The following SGMS1 variants were observed in gnomAD, a reference collection of about 807,000 sequenced individuals.
The protein encoded by SGMS1 is phosphatidylcholine:ceramide cholinephosphotransferase 1.
SGMS1 carries 13 observed loss-of-function variants against 46.2 expected under a neutral mutation model. That is an observed-to-expected ratio of 0.28 (90% confidence interval 0.18 to 0.45). SGMS1 has a LOEUF of 0.45. Ranked by LOEUF, SGMS1 falls within the 20% of genes least tolerant of loss-of-function variation. The pLI is 1.00. For missense variants in SGMS1, 324 were observed against 519.9 expected (o/e 0.62, Z 3.66); for synonymous variants, 203 against 187.8 (o/e 1.08, Z -0.66).
chr10:50,568,878 G>A (rs535020715), intron 2 of SGMS1, among the ~76,000 whole-genome samples: 2 of 152,140 alleles, frequency 1.3e-5, no homozygotes, highest in East Asian at 3.9e-4. Context: ...GTTCACAATA[G>A]TAAAGACTTG....
At chr10:50,351,223 C>A (rs1269696955) in intron 6 of SGMS1, among the ~76,000 whole-genome samples, 2 of 152,120 alleles carry the variant, frequency 1.3e-5, no homozygotes, top group East Asian at 3.9e-4. Flanking sequence ...GCCAATTTCC[C>A]CCATTTGGAA....
At chr10:50,495,127 A>G (rs1263674876) in intron 3 of SGMS1, among the ~76,000 whole-genome samples, 2 of 149,804 alleles carry the variant, frequency 1.3e-5, no homozygotes, top group African/African-American at 4.9e-5. Context: ...AGTCCCAGCT[A>G]CTTGGGAGGC....
chr10:50,475,026 A>G (rs1156856530), intron 3 of SGMS1, among the ~76,000 whole-genome samples: 1 of 152,228 alleles, frequency 6.6e-6, no homozygotes, highest in Non-Finnish European at 1.5e-5. Context: ...TTTAAATATC[A>G]GAAAAACTGT....
At chr10:50,416,348 G>C (rs1164446198) in intron 6 of SGMS1, among the ~76,000 whole-genome samples, 1 of 151,896 alleles carries the variant, frequency 6.6e-6, no homozygotes, top group African/African-American at 2.4e-5. Context: ...TATAAAACAG[G>C]GTCAAAAATA....
upstream of SGMS1, chr10:50,624,732 C>A: frequency 1.0e-6 from 1 of 985,424 alleles, no homozygotes; most frequent in Non-Finnish European, 1.2e-6. Flanking sequence ...CTCTGCTCCC[C>A]GAGCGAAGCC....
intron 3 of SGMS1, among the ~76,000 whole-genome samples, chr10:50,476,567 C>A (rs951278493): frequency 1.3e-5 from 2 of 152,186 alleles, no homozygotes; most frequent in African/African-American, 4.8e-5. Context: ...ATAGCCAACA[C>A]AACAGGGAAA....
intron 1 of SGMS1, among the ~76,000 whole-genome samples, chr10:50,611,882 C>T (rs543850863): frequency 1.3e-5 from 2 of 152,300 alleles, no homozygotes; most frequent in South Asian, 4.1e-4. Flanking sequence ...ACCCCCCATC[C>T]CCTTTTCCAA....
At position 50,518,016 on chromosome 10, in the gene SGMS1, G is replaced by A. The variant is rs117172392; in HGVS notation, c.-498+1815C>T. Among the ~76,000 whole-genome samples, 97 of 152,220 alleles carry A rather than the reference G, an allele frequency of 6.4e-4. 3 individuals are homozygous for A. The East Asian group carries it at 0.018, about 29-fold the overall frequency. On this transcript the variant is annotated intron_variant, in intron 3 of 10. Transcript: ENST00000361781. Reference sequence around the variant, plus strand: ...TCTGAAGAAGCTAAATCTCATCAGGGGAAACGTAAGGATAGAAGAAAGGAA... The same window carrying A: ...TCTGAAGAAGCTAAATCTCATCAGGAGAAACGTAAGGATAGAAGAAAGGAA...
chr10:50,608,227 A>G (rs1003873895), intron 1 of SGMS1, among the ~76,000 whole-genome samples: 2 of 152,260 alleles, frequency 1.3e-5, no homozygotes, highest in Non-Finnish European at 2.9e-5. Context: ...ATATTTATAG[A>G]AAATAGATCA....
chr10:50,351,401 T>C (rs1230872165), intron 6 of SGMS1, among the ~76,000 whole-genome samples: 2 of 152,192 alleles, frequency 1.3e-5, no homozygotes, highest in African/African-American at 4.8e-5. Flanking sequence ...TGGGGGATTG[T>C]TGGGAAGGCA....
intron 2 of SGMS1, among the ~76,000 whole-genome samples, chr10:50,581,156 A>T (rs1417437539): frequency 1.3e-5 from 2 of 152,216 alleles, no homozygotes; most frequent in Admixed American, 6.5e-5. Context: ...GAGACCCCAG[A>T]CCAAGTAAAT....
At chr10:50,472,449 T>C (rs183941608) in intron 3 of SGMS1, among the ~76,000 whole-genome samples, 40 of 152,272 alleles carry the variant, frequency 2.6e-4, no homozygotes, top group Non-Finnish European at 4.9e-4. Flanking sequence ...TGCAGTAACA[T>C]AATGTCCTCC....
At chr10:50,478,678 C>T (rs1212164539) in intron 3 of SGMS1, among the ~76,000 whole-genome samples, 1 of 152,116 alleles carries the variant, frequency 6.6e-6, no homozygotes, top group Non-Finnish European at 1.5e-5. Flanking sequence ...AAAGGATTTA[C>T]ACAGCAGAAA....
intron 6 of SGMS1, among the ~76,000 whole-genome samples, chr10:50,410,100 A>G (rs1849075509): frequency 6.6e-6 from 1 of 152,146 alleles, no homozygotes; most frequent in South Asian, 2.1e-4. Flanking sequence ...TTAACAATGT[A>G]CTCTAGTTTC....
chr10:50,342,311 T>C lies in SGMS1; in HGVS notation c.623+1181A>G, dbSNP rs539525438. On this transcript the variant is annotated intron_variant, in intron 7 of 10. Coordinates refer to ENST00000361781, the MANE Select transcript of SGMS1 (RefSeq NM_147156.4). ...CAGAAAAAAACGTCTTCCACCAAAT[T>C]AAATGCAGCCCAGACCAACAATTCT... 1.1e-4 allele frequency: 16 copies of C among 152,332 alleles called. No individual in the cohort carries two copies. The South Asian group carries it at 3.1e-3, about 30-fold the overall frequency. 9.4% of individuals were successfully genotyped at this position (152,332 alleles called of 1,614,324 possible). A position where few individuals can be genotyped will look rare whatever the true frequency, so the allele number is the denominator to read the frequency against.
chr10:50,404,683 G>A (rs1207016446), intron 6 of SGMS1, among the ~76,000 whole-genome samples: 2 of 152,152 alleles, frequency 1.3e-5, no homozygotes, highest in South Asian at 2.1e-4. Context: ...TCCCACTGAT[G>A]TAGCAATCCC....
intron 6 of SGMS1, among the ~76,000 whole-genome samples, chr10:50,351,361 T>C (rs1401245430): frequency 6.6e-6 from 1 of 152,166 alleles, no homozygotes; most frequent in African/African-American, 2.4e-5. Flanking sequence ...CTGTGGACTT[T>C]TGGATTAATG....
chr10:50,554,548 T>C (rs899730049), intron 2 of SGMS1, among the ~76,000 whole-genome samples: 2 of 152,286 alleles, frequency 1.3e-5, no homozygotes, highest in African/African-American at 4.8e-5. Context: ...GGAAGCGGCC[T>C]CTCAGCCCAA....
At chr10:50,354,688 C>A (rs1335731219) in intron 6 of SGMS1, among the ~76,000 whole-genome samples, 1 of 152,146 alleles carries the variant, frequency 6.6e-6, no homozygotes, top group Non-Finnish European at 1.5e-5. Flanking sequence ...TTGCAATCTA[C>A]TCATCTGACA....
Sources: gnomAD v4.1 joint callset for allele counts (sites outside exome capture counted in the v4.1 genomes callset) on GRCh38, gnomAD v4.1.1 for gene constraint, MANE v1.5 for transcripts, NCBI Gene and HGNC (gene_info 2026-07-23, HGNC 2026-07-21) for gene names.